The following CTNNA2 variants were observed in gnomAD, a reference collection of about 807,000 sequenced individuals.
The protein encoded by CTNNA2 is catenin alpha-2.
CTNNA2 carries 42 observed loss-of-function variants against 101.0 expected under a neutral mutation model. That is an observed-to-expected ratio of 0.42 (90% CI 0.32 to 0.54). CTNNA2 has a LOEUF of 0.54. Ranked by LOEUF, CTNNA2 falls within the 20% of genes least tolerant of loss-of-function variation. The probability of loss-of-function intolerance (pLI) is 0.14; values close to 1 mark genes in which losing one functional copy is unlikely to be tolerated. For synonymous variants in CTNNA2, 450 were observed against 456.4 expected, an observed-to-expected ratio of 0.99 and a Z score of 0.18; for missense variants, 871 against 1,223.1, an observed-to-expected ratio of 0.71 and a Z score of 4.29.
Position 80,039,062 on chromosome 2 carries a change from A to G in CTNNA2, c.1056+129265A>G, listed in dbSNP as rs577422931. ...AGGGAGTGGAGGTGGGAAAAGGAGT[A>G]CAAGATGCTTTCTTGGGCATTTTTT... On this transcript the variant is annotated intron_variant, in intron 7 of 18. Transcript: ENST00000402739. Among the ~76,000 whole-genome samples, 14 of 152,286 alleles carry G rather than the reference A, an allele frequency of 9.2e-5. No individual in the cohort carries two copies. The South Asian group carries it at 2.7e-3, about 29-fold the overall frequency.
intron 3 of CTNNA2, among the ~76,000 whole-genome samples, chr2:79,366,989 G>A (rs1006650122): frequency 3.3e-5 from 5 of 152,200 alleles, no homozygotes; most frequent in African/African-American, 1.2e-4. Flanking sequence ...AAATTCATAT[G>A]TTTAAACCCT....
intron 8 of CTNNA2, among the ~76,000 whole-genome samples, chr2:80,394,754 G>A (rs367975545): frequency 6.8e-6 from 1 of 147,096 alleles, no homozygotes; most frequent in South Asian, 2.1e-4. Context: ...AGCCAAACTA[G>A]ATCTGCAAAC....
intron 9 of CTNNA2, among the ~76,000 whole-genome samples, chr2:80,474,169 A>G (rs533032849): frequency 6.6e-6 from 1 of 152,344 alleles, no homozygotes; most frequent in South Asian, 2.1e-4. Context: ...ACAGTAAAAA[A>G]TAAGAAGGTA....
At chr2:80,024,336 C>T (rs1344127967) in intron 7 of CTNNA2, among the ~76,000 whole-genome samples, 1 of 152,090 alleles carries the variant, frequency 6.6e-6, no homozygotes, top group Non-Finnish European at 1.5e-5. Flanking sequence ...AGAAGGCAGC[C>T]TCACTGAGAG....
chr2:79,571,038 T>C (rs1464132532), intron 1 of CTNNA2, among the ~76,000 whole-genome samples: 2 of 152,172 alleles, frequency 1.3e-5, no homozygotes, highest in Non-Finnish European at 2.9e-5. Flanking sequence ...AACAACCCAA[T>C]TTGTTTTCTT....
At chr2:80,624,806 C>CA (rs1671517854) in intron 18 of CTNNA2, among the ~76,000 whole-genome samples, 1 of 151,814 alleles carries the variant, frequency 6.6e-6, no homozygotes, top group South Asian at 2.1e-4. Flanking sequence ...CAGTGCCTGC[C>CA]ATTAAGTGAA....
At chr2:80,204,331 C>T (rs1707394774) in intron 7 of CTNNA2, among the ~76,000 whole-genome samples, 1 of 152,170 alleles carries the variant, frequency 6.6e-6, no homozygotes, top group African/African-American at 2.4e-5. Flanking sequence ...TTTATGCTGT[C>T]TTTCCCCTTT....
At chr2:80,508,123 C>G (rs1688415673) in intron 9 of CTNNA2, among the ~76,000 whole-genome samples, 1 of 152,128 alleles carries the variant, frequency 6.6e-6, no homozygotes, top group South Asian at 2.1e-4. Context: ...CCAACTTTTA[C>G]ACTTGCTGGT....
intron 7 of CTNNA2, among the ~76,000 whole-genome samples, chr2:80,186,947 G>A (rs1706169014): frequency 6.6e-6 from 1 of 152,186 alleles, no homozygotes; most frequent in African/African-American, 2.4e-5. Flanking sequence ...CTAATCTATG[G>A]GTGGTTGATG....
intron 7 of CTNNA2, among the ~76,000 whole-genome samples, chr2:80,200,908 G>A (rs1260852505): frequency 6.6e-6 from 1 of 151,808 alleles, no homozygotes; most frequent in African/African-American, 2.4e-5. Context: ...CTTGGGATGG[G>A]ATCCATGATA....
At chr2:79,959,453 C>T (rs1411824997) in intron 7 of CTNNA2, among the ~76,000 whole-genome samples, 1 of 152,130 alleles carries the variant, frequency 6.6e-6, no homozygotes, top group Non-Finnish European at 1.5e-5. Flanking sequence ...AGAAACATTG[C>T]CAGAATTAAT....
At chr2:79,461,556 G>A (rs544277590) in intron 4 of CTNNA2, among the ~76,000 whole-genome samples, 1 of 152,202 alleles carries the variant, frequency 6.6e-6, no homozygotes, top group East Asian at 1.9e-4. Flanking sequence ...TCATATAAAT[G>A]TCTCTGTAAT....
At chr2:79,627,942 T>G (rs1379693895) in intron 1 of CTNNA2, among the ~76,000 whole-genome samples, 1 of 152,224 alleles carries the variant, frequency 6.6e-6, no homozygotes, top group Non-Finnish European at 1.5e-5. Flanking sequence ...TGCCAGCTCA[T>G]AAGTGTTGTA....
intron 3 of CTNNA2, among the ~76,000 whole-genome samples, chr2:79,825,782 A>G (rs1678390914): frequency 6.6e-6 from 1 of 152,224 alleles, no homozygotes; most frequent in Non-Finnish European, 1.5e-5. Flanking sequence ...AGAGAGAGAA[A>G]AAAGTGAAGA....
At chr2:80,129,474 G>A (rs1702302035) in intron 7 of CTNNA2, among the ~76,000 whole-genome samples, 1 of 152,114 alleles carries the variant, frequency 6.6e-6, no homozygotes, top group Non-Finnish European at 1.5e-5. Context: ...CTCCTATCCT[G>A]CACTTCTCAG....
chr2:79,311,340 C>T (rs949409928), intron 2 of CTNNA2, among the ~76,000 whole-genome samples: 4 of 139,310 alleles, frequency 2.9e-5, no homozygotes, highest in Non-Finnish European at 4.5e-5. Context: ...ACCCGGGAAG[C>T]GGAGCTTGCA....
chr2:79,571,423 C>T (rs1220034975), intron 1 of CTNNA2, among the ~76,000 whole-genome samples: 1 of 152,126 alleles, frequency 6.6e-6, no homozygotes, highest in African/African-American at 2.4e-5. Context: ...CTGTCAATAC[C>T]TGGAATGACA....
chr2:79,655,989 C>G (rs1681587812), intron 2 of CTNNA2, among the ~76,000 whole-genome samples: 1 of 152,092 alleles, frequency 6.6e-6, no homozygotes, highest in Non-Finnish European at 1.5e-5. Flanking sequence ...ATGCTTAAAA[C>G]TTTTCTTGAA....
intron 9 of CTNNA2, among the ~76,000 whole-genome samples, chr2:80,421,487 T>C (rs1323519883): frequency 6.6e-6 from 1 of 152,170 alleles, no homozygotes; most frequent in African/African-American, 2.4e-5. Flanking sequence ...CATTCTCCTT[T>C]CTCCTGTGAC....
Sources: allele counts gnomAD v4.1 joint callset (sites outside exome capture counted in the v4.1 genomes callset), GRCh38; gene constraint gnomAD v4.1.1; transcripts MANE v1.5; gene names NCBI Gene and HGNC (gene_info 2026-07-23, HGNC 2026-07-21).